The following LRRC41 variants were observed in gnomAD, a reference collection of about 807,000 sequenced individuals.
LRRC41 encodes the protein leucine-rich repeat-containing protein 41.
Under a neutral mutation model 72.1 loss-of-function variants are expected in LRRC41, and 17 were observed. That is an observed-to-expected ratio of 0.24 (90% confidence interval 0.16 to 0.35). LRRC41 has a LOEUF of 0.35. LRRC41 is among the 10% of genes least tolerant of loss of function. The pLI is 1.00. For missense variants in LRRC41, 759 were observed against 1,065.0 expected, an observed-to-expected ratio of 0.71 and a Z score of 4.00; for synonymous variants, 427 against 431.0, an observed-to-expected ratio of 0.99 and a Z score of 0.11.
intron 4 of LRRC41, among the ~76,000 whole-genome samples, chr1:46,282,517 T>C (rs1660800304): frequency 6.6e-6 from 1 of 152,138 alleles, no homozygotes; most frequent in African/African-American, 2.4e-5. Context: ...CGATGGGAAC[T>C]GGGGGAATAA....
Position 46,303,336 on chromosome 1 carries a change from G to T in LRRC41, c.-14C>A. On this transcript the variant is annotated 5_prime_UTR_variant, in exon 1 of 10. Coordinates refer to ENST00000617190, the MANE Select transcript of LRRC41 (RefSeq NM_006369.5). ...GGGCGCCGCCATCTTGGGGAGGTGC[G>T]CGAGCCCGAGAGTGTCGCCCGCGGA... 1 of 1,503,418 alleles carries T rather than the reference G, an allele frequency of 6.7e-7. No homozygotes were observed. The highest frequency in any genetic ancestry group is 1.3e-5 in the South Asian group (1 of 79,516). 93.1% of individuals were successfully genotyped at this position (1,503,418 alleles called of 1,614,324 possible).
In LRRC41 at chr1:46,281,959, G is replaced by T. The variant is rs567198405; in HGVS notation, c.1496-574C>A. On this transcript the variant is annotated intron_variant, in intron 4 of 9. Coordinates refer to ENST00000617190, the MANE Select transcript of LRRC41 (RefSeq NM_006369.5). The stretch of plus-strand genomic sequence containing the variant: ...CTGGGCTGGGTGGCACATGCCTGTA[G>T]TCCCAGCTACTCGGGAGGCTGAGGC... Among the ~76,000 whole-genome samples the T allele has an allele frequency of 5.9e-5, 9 of 152,156 alleles. No individual in the cohort carries two copies. In the East Asian group the frequency reaches 1.7e-3, roughly 29 times the overall value.
At chr1:46,297,676 T>C (rs780491231) in intron 2 of LRRC41, 43 bp from the exon 3 acceptor site, 6 of 1,396,552 alleles carry the variant, frequency 4.3e-6, no homozygotes, top group African/African-American at 1.4e-5. Flanking sequence ...CTGGCCACCA[T>C]GAGTAAAGTA....
At chr1:46,288,448 T>TA (rs1233786174) in intron 3 of LRRC41, among the ~76,000 whole-genome samples, 1 of 152,220 alleles carries the variant, frequency 6.6e-6, no homozygotes, top group Non-Finnish European at 1.5e-5. Flanking sequence ...TAAAAAATGT[T>TA]ACTGCTGCCA....
intron 4 of LRRC41, chr1:46,284,302 A>G (rs1295333999): frequency 6.6e-6 from 1 of 152,216 alleles, no homozygotes; most frequent in Non-Finnish European, 1.5e-5. Context: ...GTTTGAAAGC[A>G]TGAATCTGCA....
chr1:46,293,757 TTTG>T (rs566830728), intron 3 of LRRC41, among the ~76,000 whole-genome samples: 217 of 151,240 alleles, frequency 1.4e-3, no homozygotes, highest in Non-Finnish European at 1.9e-3. Context: ...TTTATTTTGT[TTTG>T]TTGTTGTTGT....
At chr1:46,301,634 A>G (rs1222207436) in intron 1 of LRRC41, among the ~76,000 whole-genome samples, 2 of 151,294 alleles carry the variant, frequency 1.3e-5, no homozygotes, top group African/African-American at 4.9e-5. Flanking sequence ...AGTCCCCCCA[A>G]ACTCCAGGGC....
At position 46,279,533 on chromosome 1, in the gene LRRC41, T is replaced by C; in HGVS notation, c.2102A>G (p.Asn701Ser). ...CAGCCGGAGGCCCTTCAGTGTGGAG[T>C]TGCCCTTCATAGCAGCAACCATCTC... is the stretch of plus-strand genomic sequence containing the variant. Reference protein sequence around the residue: ...LPEMVAAMKGNSTLKGLRLPG... With the variant: ...LPEMVAAMKGSSTLKGLRLPG... Residue 701 changes from asparagine (N) to serine (S), a missense_variant, in exon 8 of 10, where the codon AAC (asparagine) becomes AGC (serine). By Grantham distance (46) the Asn-to-Ser change is conservative (BLOSUM62 1). This residue lies in a region of LRRC41 where 110 missense variants were observed against 227.0 expected (regional missense o/e 0.48). Transcript: ENST00000617190. This position sits in a 1 kb window ranked among gnomAD's most constrained non-coding sequence, Gnocchi z 4.5. The C allele has an allele frequency of 6.2e-7, 1 of 1,614,002 alleles. No individual in the cohort carries two copies. Among genetic ancestry groups the C allele is most frequent in the Non-Finnish European group, 8.5e-7 (1 of 1,179,986 alleles).
chr1:46,289,817 T>C (rs1024328260), intron 3 of LRRC41, among the ~76,000 whole-genome samples: 1 of 152,126 alleles, frequency 6.6e-6, no homozygotes, highest in African/African-American at 2.4e-5. Flanking sequence ...TGAGATCTAG[T>C]CCAGACCACT....
In LRRC41 at chr1:46,290,916, G is replaced by GTTTT. The variant is rs71062750; in HGVS notation, c.358-4421_358-4418dup. On this transcript the variant is annotated intron_variant, in intron 3 of 9. Coordinates refer to ENST00000617190, the MANE Select transcript of LRRC41 (RefSeq NM_006369.5). ...AGCCACCATGCCCGGCCTGTTTCTA[G>GTTTT]TTTTTTTTTTTTTTTTTTTTTTTTT... 3.1e-3 allele frequency among the ~76,000 whole-genome samples: 206 copies of GTTTT among 65,696 alleles called. 25 individuals are homozygous for GTTTT. The highest frequency in any genetic ancestry group is 4.4e-3 in the East Asian group (9 of 2,056). The allele number at this position is 65,696 out of a possible 152,430, so 43.1% of individuals were successfully genotyped here.
intron 3 of LRRC41, among the ~76,000 whole-genome samples, chr1:46,291,480 G>A (rs906193066): frequency 2.0e-5 from 3 of 150,490 alleles, no homozygotes; most frequent in Non-Finnish European, 4.4e-5. Flanking sequence ...GACTATAGAC[G>A]CATGCCACTA....
At chr1:46,282,076 CAAAA>C (rs11284020) in intron 4 of LRRC41, among the ~76,000 whole-genome samples, 21 of 118,604 alleles carry the variant, frequency 1.8e-4, no homozygotes, top group Admixed American at 1.6e-3. Flanking sequence ...AAGACTGTCT[CAAAA>C]AAAAAAAAAA....
rs2148329037 is a variant in LRRC41, at chr1:46,302,193, C to A, written c.199+931G>T. On this transcript the variant is annotated intron_variant, in intron 1 of 9. Transcript: ENST00000617190. This position sits in a 1 kb window ranked among gnomAD's most constrained non-coding sequence, Gnocchi z 4.7. ...TCAGGCCTGGGGCCCCCGTTCACTC[C>A]CATTCAGCCCAAGGCCTCTTGGCGG... The A allele has an allele frequency of 1.0e-6, 1 of 985,418 alleles. No homozygotes were observed. The highest frequency in any genetic ancestry group is 1.7e-5 in the African/African-American group (1 of 57,368). 61.0% of individuals were successfully genotyped at this position (985,418 alleles called of 1,614,324 possible). A position where few individuals can be genotyped will look rare whatever the true frequency, so the allele number is the denominator to read the frequency against.
chr1:46,296,737 C>G (rs1661134515), intron 3 of LRRC41: 1 of 152,212 alleles, frequency 6.6e-6, no homozygotes, highest in Non-Finnish European at 1.5e-5. Context: ...GTTACACAGA[C>G]TCCATTTGAA....
chr1:46,281,087 G>A (rs773068314), intron 5 of LRRC41, 38 bp downstream of exon 5: 24 of 1,605,794 alleles, frequency 1.5e-5, no homozygotes, highest in African/African-American at 4.0e-5. Context: ...GGGGATACAC[G>A]TGCGTGCACA....
intron 4 of LRRC41, among the ~76,000 whole-genome samples, chr1:46,283,591 T>C (rs1223031505): frequency 6.6e-6 from 1 of 152,078 alleles, no homozygotes; most frequent in East Asian, 1.9e-4. Context: ...TGTCACATAA[T>C]GGGGAGTCTT....
chr1:46,302,335 A>G lies in LRRC41; in HGVS notation c.199+789T>C. The G allele has an allele frequency of 1.0e-6, 1 of 984,958 alleles. No homozygotes were observed. Among genetic ancestry groups the G allele is most frequent in the Non-Finnish European group, 1.2e-6 (1 of 829,794 alleles). The allele number at this position is 984,958 out of a possible 1,614,324, so 61.0% of individuals were successfully genotyped here. A position where few individuals can be genotyped will look rare whatever the true frequency, so the allele number is the denominator to read the frequency against. On this transcript the variant is annotated intron_variant, in intron 1 of 9. Coordinates refer to ENST00000617190, the MANE Select transcript of LRRC41 (RefSeq NM_006369.5). This position sits in a 1 kb window ranked among gnomAD's most constrained non-coding sequence, Gnocchi z 4.7. ...CATTCGAGCCTCCCTCGCTTGTTTAAGCCGCTCCGGGCCCCCCTCCACTCG... is the reference window on the plus strand; with the variant it reads ...CATTCGAGCCTCCCTCGCTTGTTTAGGCCGCTCCGGGCCCCCCTCCACTCG...
intron 1 of LRRC41, chr1:46,299,014 C>G (rs1480706477): frequency 6.6e-6 from 1 of 152,264 alleles, no homozygotes; most frequent in Admixed American, 6.5e-5. Context: ...CTTTGGGCTA[C>G]TGCTATATTC....
intron 3 of LRRC41, 34 bp downstream of exon 3, chr1:46,297,529 T>G: frequency 6.4e-7 from 1 of 1,556,282 alleles, no homozygotes. Context: ...CCATGCAAAA[T>G]CAGGCTAGCA....
Sources: allele counts gnomAD v4.1 joint callset (sites outside exome capture counted in the v4.1 genomes callset), GRCh38; gene constraint gnomAD v4.1.1; regional missense constraint gnomAD v4.1.1; non-coding constraint Gnocchi (gnomAD v3.1); transcripts MANE v1.5; gene names NCBI Gene and HGNC (gene_info 2026-07-23, HGNC 2026-07-21).